The following BCKDHB variants were observed in gnomAD, a reference collection of about 807,000 sequenced individuals.
BCKDHB encodes the protein 2-oxoisovalerate dehydrogenase subunit beta, mitochondrial.
Under a neutral mutation model 48.5 loss-of-function variants are expected in BCKDHB, and 41 were observed. The ratio of observed to expected loss-of-function variants is 0.85; its 90% confidence interval spans 0.66 to 1.10. The LOEUF (loss-of-function observed/expected upper bound fraction) is 1.10, where lower values mean the gene tolerates loss of function less well. BCKDHB is among the 50% of genes least tolerant of loss of function. The pLI is 0.00. For missense variants in BCKDHB, 496 were observed against 494.2 expected, an observed-to-expected ratio of 1.00 and a Z score of -0.03; for synonymous variants, 201 against 174.8, an observed-to-expected ratio of 1.15 and a Z score of -1.18.
the BCKDHB span, among the ~76,000 whole-genome samples, chr6:80,351,957 G>A: frequency 6.6e-6 from 1 of 151,792 alleles, no homozygotes; most frequent in African/African-American, 2.4e-5. Flanking sequence ...AAGTAGCTGG[G>A]ATTACAGGCA....
the BCKDHB span, chr6:80,355,720 C>G: frequency 6.6e-6 from 1 of 152,074 alleles, no homozygotes; most frequent in African/African-American, 2.4e-5. Context: ...TGGGGAATTG[C>G]GTGAGGGTTG....
chr6:80,156,740 T>C (rs1772060274), intron 3 of BCKDHB, among the ~76,000 whole-genome samples: 1 of 152,130 alleles, frequency 6.6e-6, no homozygotes, highest in Admixed American at 6.5e-5. Flanking sequence ...TTTAGGTGAA[T>C]AGGTATTCTT....
At chr6:80,291,624 A>G (rs919593454) in intron 9 of BCKDHB, among the ~76,000 whole-genome samples, 8 of 152,192 alleles carry the variant, frequency 5.3e-5, no homozygotes. Flanking sequence ...GAATTAGAAT[A>G]TTGATCTAAT....
intron 6 of BCKDHB, among the ~76,000 whole-genome samples, chr6:80,175,411 G>A (rs1773104100): frequency 1.3e-5 from 2 of 152,120 alleles, no homozygotes; most frequent in South Asian, 2.1e-4. Context: ...GGATATTGAG[G>A]GACAACTACC....
At chr6:80,309,811 A>C (rs1001040359) in intron 9 of BCKDHB, among the ~76,000 whole-genome samples, 3 of 152,168 alleles carry the variant, frequency 2.0e-5, no homozygotes, top group African/African-American at 7.2e-5. Context: ...CACAGGTAAT[A>C]AGCATAGTAA....
intron 8 of BCKDHB, among the ~76,000 whole-genome samples, 198 bp from the exon 9 acceptor site, chr6:80,272,936 GA>G (rs1490260241): frequency 2.0e-5 from 3 of 151,890 alleles, no homozygotes; most frequent in Non-Finnish European, 4.4e-5. Context: ...AAACCATATT[GA>G]AAAAAATTTT....
intron 3 of BCKDHB, among the ~76,000 whole-genome samples, chr6:80,138,268 A>G (rs1193387112): frequency 7.0e-6 from 1 of 143,394 alleles, no homozygotes; most frequent in Admixed American, 7.8e-5. Context: ...TAATTTATGT[A>G]AAAACATAAA....
chr6:80,407,816 T>C, the BCKDHB span, among the ~76,000 whole-genome samples: 66 of 152,314 alleles, frequency 4.3e-4, no homozygotes, highest in African/African-American at 1.5e-3. Flanking sequence ...ACAATTTGAC[T>C]TCCTCTTTTT....
chr6:80,180,962 A>G (rs758865480), intron 6 of BCKDHB, among the ~76,000 whole-genome samples: 52 of 152,316 alleles, frequency 3.4e-4, no homozygotes, highest in Admixed American at 2.0e-3. Context: ...CATAATTTAA[A>G]AAGTCAAATG....
chr6:80,113,772 A>G (rs1037260415), intron 1 of BCKDHB, among the ~76,000 whole-genome samples: 14 of 152,218 alleles, frequency 9.2e-5, no homozygotes, highest in Non-Finnish European at 1.6e-4. Context: ...AATGCACTCC[A>G]CAGGGTGGGA....
chr6:80,180,545 T>A (rs1360746007), intron 6 of BCKDHB, among the ~76,000 whole-genome samples: 2 of 152,234 alleles, frequency 1.3e-5, no homozygotes, highest in African/African-American at 4.8e-5. Context: ...CATCTGTGAT[T>A]CTTCTAGTGG....
the BCKDHB span, among the ~76,000 whole-genome samples, chr6:80,427,490 G>A: frequency 1.3e-5 from 2 of 151,890 alleles, no homozygotes; most frequent in Non-Finnish European, 2.9e-5. Context: ...AAAGAAATTG[G>A]CAAATGAGAA....
rs139422545 is a variant in BCKDHB, at chr6:80,197,922, C to G, written c.743-3012C>G. Reference sequence around the variant, plus strand: ...TTTGTCCACCCGCCCGTCCATTGATCTATCCATCTGTTCATCCATCCATCC... The same window carrying G: ...TTTGTCCACCCGCCCGTCCATTGATGTATCCATCTGTTCATCCATCCATCC... On this transcript the variant is annotated intron_variant, in intron 6 of 9. Coordinates refer to ENST00000320393, the MANE Select transcript of BCKDHB (RefSeq NM_183050.4). 8.7e-5 allele frequency among the ~76,000 whole-genome samples: 13 copies of G among 148,688 alleles called. 1 individual carries two copies. In the East Asian group the frequency reaches 2.4e-3, roughly 28 times the overall value.
intron 9 of BCKDHB, among the ~76,000 whole-genome samples, chr6:80,320,513 C>A (rs1342003802): frequency 6.6e-6 from 1 of 152,050 alleles, no homozygotes; most frequent in African/African-American, 2.4e-5. Flanking sequence ...ATTTCTAGTT[C>A]TTCACTAATA....
the BCKDHB span, among the ~76,000 whole-genome samples, chr6:80,360,607 A>G: frequency 1.3e-5 from 2 of 152,188 alleles, no homozygotes; most frequent in Non-Finnish European, 2.9e-5. Context: ...GAAGAAATCG[A>G]CTGGTACATG....
the BCKDHB span, among the ~76,000 whole-genome samples, chr6:80,368,727 A>G: frequency 6.6e-6 from 1 of 151,760 alleles, no homozygotes; most frequent in Non-Finnish European, 1.5e-5. Flanking sequence ...AAAAAAATCC[A>G]GCCCTGGGCA....
At chr6:80,279,442 C>T (rs372820351) in intron 9 of BCKDHB, among the ~76,000 whole-genome samples, 2 of 152,116 alleles carry the variant, frequency 1.3e-5, no homozygotes, top group South Asian at 2.1e-4. Flanking sequence ...AGGCGTGAGC[C>T]GCCAGACCCA....
At chr6:80,260,606 T>C (rs932225728) in intron 8 of BCKDHB, among the ~76,000 whole-genome samples, 1 of 152,204 alleles carries the variant, frequency 6.6e-6, no homozygotes. Flanking sequence ...TTGGAACATA[T>C]AGCAAGACTA....
chr6:80,388,768 A>G, the BCKDHB span, among the ~76,000 whole-genome samples: 22 of 152,174 alleles, frequency 1.4e-4, no homozygotes, highest in Non-Finnish European at 2.5e-4. Context: ...TGGTTCACAG[A>G]TGATTCTGCA....
Sources: allele counts gnomAD v4.1 joint callset (sites outside exome capture counted in the v4.1 genomes callset), GRCh38; gene constraint gnomAD v4.1.1; transcripts MANE v1.5; gene names NCBI Gene and HGNC (gene_info 2026-07-23, HGNC 2026-07-21).